The following SLC7A9 variants were observed in gnomAD, a reference collection of about 807,000 sequenced individuals.
The protein encoded by SLC7A9 is solute carrier family 7 member 9, also known as B(0,+)-type amino acid transporter 1.
A neutral mutation model predicts 54.1 loss-of-function variants in SLC7A9; 38 were observed. The observed-to-expected ratio is 0.70, with a 90% CI of 0.54 to 0.92. The LOEUF (loss-of-function observed/expected upper bound fraction) is 0.92, where lower values mean the gene tolerates loss of function less well. Among genes scored for constraint, SLC7A9 ranks in the 40% least tolerant of loss-of-function variants. The pLI is 0.00. For synonymous variants in SLC7A9, 264 were observed against 258.9 expected, an observed-to-expected ratio of 1.02 and a Z score of -0.19; for missense variants, 537 against 636.1, an observed-to-expected ratio of 0.84 and a Z score of 1.68.
rs1217604635 is a variant in SLC7A9, at chr19:32,843,952, C to T, written c.978-1G>A. On this transcript the variant is annotated splice_acceptor_variant, in intron 9 of 12. Transcript: ENST00000023064. LOFTEE classifies it high-confidence loss of function. Reference sequence around the variant, plus strand: ...CTCCCGGCCCGCCACGTAAATGAGTCTGGAAAATAACGACACGGGAGTCCG... The same window carrying T: ...CTCCCGGCCCGCCACGTAAATGAGTTTGGAAAATAACGACACGGGAGTCCG... 1.2e-6 allele frequency: 2 copies of T among 1,612,042 alleles called. No homozygotes were observed. The highest frequency in any genetic ancestry group is 1.3e-5 in the African/African-American group (1 of 74,980).
intron 7 of SLC7A9, 43 bp from the exon 8 acceptor site, chr19:32,860,007 C>T: frequency 6.2e-7 from 1 of 1,613,922 alleles, no homozygotes; most frequent in Non-Finnish European, 8.5e-7. Flanking sequence ...CAGACCACAG[C>T]CTCCCGCGGA....
intron 9 of SLC7A9, 103 bp from the exon 10 acceptor site, chr19:32,844,054 G>T: frequency 1.2e-6 from 1 of 835,826 alleles, no homozygotes; most frequent in Non-Finnish European, 2.0e-6. Context: ...CCCTCGGGAG[G>T]CTCAGGAAGG....
intron 9 of SLC7A9, among the ~76,000 whole-genome samples, chr19:32,857,056 C>A (rs893091695): frequency 6.6e-6 from 1 of 151,438 alleles, no homozygotes; most frequent in Admixed American, 6.6e-5. Flanking sequence ...GAGGCTGAGG[C>A]AGAAAATTGC....
intron 9 of SLC7A9, among the ~76,000 whole-genome samples, chr19:32,851,132 A>G (rs1289352008): frequency 6.6e-6 from 1 of 152,352 alleles, no homozygotes; most frequent in Admixed American, 6.5e-5. Flanking sequence ...TTAATGTCTA[A>G]AACACCAAAA....
At chr19:32,868,961 C>T (rs1455759070) in intron 1 of SLC7A9, among the ~76,000 whole-genome samples, 3 of 151,688 alleles carry the variant, frequency 2.0e-5, no homozygotes, top group Admixed American at 1.3e-4. Flanking sequence ...GTAATCCCAG[C>T]ACTTTCGGAG....
Position 32,862,134 on chromosome 19 carries a change from AG to A in SLC7A9, c.687del (p.Trp230GlyfsTer34). 6.2e-7 allele frequency: 1 copy of A among 1,611,942 alleles called. No homozygotes were observed. ...GAISLAFYNGLWAYDGWNQLN... is the reference protein window; with the variant it reads ...GAISLAFYNGXWAYDGWNQLN... ...ACACCTCACCATCCATCATAGGCCCAGAGTCCATTGTAAAACGCCAGGCTGA... is the reference window on the plus strand; with the variant it reads ...ACACCTCACCATCCATCATAGGCCCAAGTCCATTGTAAAACGCCAGGCTGA... On this transcript the variant is annotated frameshift_variant, in exon 6 of 13. Transcript: ENST00000023064. LOFTEE classifies it high-confidence loss of function.
At chr19:32,863,416 T>C (rs1387144808) in intron 4 of SLC7A9, among the ~76,000 whole-genome samples, 1 of 152,156 alleles carries the variant, frequency 6.6e-6, no homozygotes, top group Non-Finnish European at 1.5e-5. Context: ...TGTGGGCCAC[T>C]GCACCTAGCC....
chr19:32,839,114 T>C (rs1968056487), intron 11 of SLC7A9, among the ~76,000 whole-genome samples: 1 of 152,314 alleles, frequency 6.6e-6, no homozygotes, highest in South Asian at 2.1e-4. Flanking sequence ...TCCATGTTTT[T>C]GTATGATATT....
rs143927415 is a variant in SLC7A9, at chr19:32,842,196, G to C, written c.1196C>G (p.Thr399Arg). 115 of 1,614,098 alleles carry C rather than the reference G, an allele frequency of 7.1e-5. No individual in the cohort carries two copies. The African/African-American group carries it at 1.4e-3, about 20-fold the overall frequency. The change falls in exon 11 of 13, where the codon ACA becomes AGA. Residue 399 changes from threonine (T) to arginine (R), a missense_variant. By Grantham distance (71) the Thr-to-Arg change is moderately conservative (BLOSUM62 -1). Coordinates refer to ENST00000023064, the MANE Select transcript of SLC7A9 (RefSeq NM_014270.5). The part of the protein sequence containing the change: ...TILGLIVMRF[T>R]RKELERPIKV... ...GATAGGCCTTTCCAGCTCTTTCCTT[G>C]TAAATCTCATCACGATGAGTCCTAG... is the stretch of plus-strand genomic sequence containing the variant.
In SLC7A9 at chr19:32,843,852, CA is replaced by C; in HGVS notation, c.1074+2del. Reference sequence around the variant, plus strand: ...ATAGGCTGGTAGCGGGATTTGTACTCACATAAAAGATGATGGCGGGGGCTGG... The same window carrying C: ...ATAGGCTGGTAGCGGGATTTGTACTCCATAAAAGATGATGGCGGGGGCTGG... On this transcript the variant is annotated splice_donor_variant, in intron 10 of 12. Transcript: ENST00000023064. LOFTEE classifies it high-confidence loss of function. 6.2e-7 allele frequency: 1 copy of C among 1,610,338 alleles called. No individual in the cohort carries two copies. The highest frequency in any genetic ancestry group is 8.5e-7 in the Non-Finnish European group (1 of 1,176,604).
Position 32,868,514 on chromosome 19 carries a change from T to C in SLC7A9, c.21A>G (p.Arg7=). The change falls in exon 2 of 13, where the codon AGA becomes AGG. Residue 7 remains arginine (R), a synonymous_variant. Coordinates refer to ENST00000023064, the MANE Select transcript of SLC7A9 (RefSeq NM_014270.5). ...TCGACTTCTCATCCTCTCTCCGCTT[T>C]CTCAGGCCAGTATCCCCCATGTTTC... is the stretch of plus-strand genomic sequence containing the variant. MGDTGL[R]KRREDEKSIQ... 3.1e-6 allele frequency: 5 copies of C among 1,614,098 alleles called. No individual in the cohort carries two copies. Among genetic ancestry groups the C allele is most frequent in the Non-Finnish European group, 3.4e-6 (4 of 1,179,992 alleles).
At chr19:32,830,929 A>G (rs942178253) in intron 12 of SLC7A9, among the ~76,000 whole-genome samples, 1 of 152,142 alleles carries the variant, frequency 6.6e-6, no homozygotes, top group South Asian at 2.1e-4. Flanking sequence ...GGACGACTGC[A>G]CTTTCCAGTT....
In SLC7A9 at chr19:32,853,578, A is replaced by T. The variant is rs186772216; in HGVS notation, c.977+4862T>A. ...TTCTTTGGAATAAATTTGACAAAAG[A>T]TGTGCAAGAACTATATACCAAAAAC... On this transcript the variant is annotated intron_variant, in intron 9 of 12. Transcript: ENST00000023064. 5.9e-5 allele frequency among the ~76,000 whole-genome samples: 9 copies of T among 152,054 alleles called. No homozygotes were observed. In the East Asian group the frequency reaches 1.6e-3, roughly 26 times the overall value.
At chr19:32,844,469 CT>C (rs1027589674) in intron 9 of SLC7A9, among the ~76,000 whole-genome samples, 2 of 152,084 alleles carry the variant, frequency 1.3e-5, no homozygotes, top group Non-Finnish European at 2.9e-5. Flanking sequence ...CTCTATCTCC[CT>C]TTCCCCCCAT....
intron 9 of SLC7A9, among the ~76,000 whole-genome samples, chr19:32,844,681 A>T (rs1275977932): frequency 6.6e-6 from 1 of 151,642 alleles, no homozygotes; most frequent in Non-Finnish European, 1.5e-5. Flanking sequence ...AATATGAAAA[A>T]TTAGCTGGGC....
At chr19:32,840,733 C>T (rs183676922) in intron 11 of SLC7A9, among the ~76,000 whole-genome samples, 3 of 152,140 alleles carry the variant, frequency 2.0e-5, no homozygotes, top group Admixed American at 6.6e-5. Flanking sequence ...TTCTGGGATC[C>T]TCAAGGGCTT....
intron 9 of SLC7A9, among the ~76,000 whole-genome samples, chr19:32,845,271 G>T (rs1968253913): frequency 6.6e-6 from 1 of 152,154 alleles, no homozygotes; most frequent in African/African-American, 2.4e-5. Context: ...GAGACAGGTG[G>T]ACTGCTTGAG....
chr19:32,830,525 G>A lies in SLC7A9; in HGVS notation c.*95C>T, dbSNP rs1967746281. On this transcript the variant is annotated 3_prime_UTR_variant, in exon 13 of 13. Coordinates refer to ENST00000023064, the MANE Select transcript of SLC7A9 (RefSeq NM_014270.5). ...AAATAACAATATTTTAAACATCTGA[G>A]TATATTTTATTCGTAAGAAAAAAAG... is the stretch of plus-strand genomic sequence containing the variant. The A allele has an allele frequency of 4.3e-6, 4 of 922,352 alleles. No homozygotes were observed. The East Asian group carries it at 9.7e-5, about 22-fold the overall frequency. 57.1% of individuals were successfully genotyped at this position (922,352 alleles called of 1,614,324 possible).
chr19:32,842,615 T>TTGTTTTGTTC (rs1171377769), intron 10 of SLC7A9, among the ~76,000 whole-genome samples: 1 of 151,774 alleles, frequency 6.6e-6, no homozygotes, highest in African/African-American at 2.4e-5. Context: ...TTGTTTTGTT[T>TTGTTTTGTTC]TGTTTTGTTT....
Sources: gnomAD v4.1 joint callset for allele counts (sites outside exome capture counted in the v4.1 genomes callset) on GRCh38, gnomAD v4.1.1 for gene constraint, MANE v1.5 for transcripts, NCBI Gene and HGNC (gene_info 2026-07-23, HGNC 2026-07-21) for gene names.